The following CSPP1 variants were observed in gnomAD, a reference collection of about 807,000 sequenced individuals.
CSPP1 encodes centrosome and spindle pole associated protein 1.
A neutral mutation model predicts 164.4 loss-of-function variants in CSPP1; 126 were observed. That is an observed-to-expected ratio of 0.77 (90% CI 0.66 to 0.89). CSPP1 has a LOEUF of 0.89. Among genes scored for constraint, CSPP1 ranks in the 40% least tolerant of loss-of-function variants. The pLI is 0.00. For missense variants in CSPP1, 1,395 were observed against 1,449.8 expected (o/e 0.96, Z 0.61); for synonymous variants, 472 against 476.7 (o/e 0.99, Z 0.13).
intron 15 of CSPP1, among the ~76,000 whole-genome samples, chr8:67,124,356 A>G (rs1054489350): frequency 6.6e-6 from 1 of 152,170 alleles, no homozygotes; most frequent in African/African-American, 2.4e-5. Context: ...CTTAATTTCA[A>G]TGGTACACAA....
intron 17 of CSPP1, among the ~76,000 whole-genome samples, chr8:67,143,878 T>C (rs1823979209): frequency 6.6e-6 from 1 of 152,210 alleles, no homozygotes; most frequent in African/African-American, 2.4e-5. Context: ...TAGGCAATCA[T>C]AGCATCTGTC....
chr8:67,130,965 G>A (rs999805214), intron 15 of CSPP1, among the ~76,000 whole-genome samples: 7 of 152,150 alleles, frequency 4.6e-5, no homozygotes, highest in Non-Finnish European at 5.9e-5. Context: ...TTCAGCCTGG[G>A]CGACAAGAGT....
At chr8:67,070,304 T>C (rs1284222625) in intron 1 of CSPP1, among the ~76,000 whole-genome samples, 1 of 151,550 alleles carries the variant, frequency 6.6e-6, no homozygotes, top group African/African-American at 2.4e-5. Flanking sequence ...CTACTAATAA[T>C]ACAAAAAAAT....
chr8:67,116,007 C>A lies in CSPP1; in HGVS notation c.1381C>A (p.Pro461Thr), dbSNP rs1253773181. The change falls in exon 13 of 31, where the codon CCT becomes ACT. Residue 461 changes from proline to threonine, a missense_variant. Physicochemically the swap from Pro to Thr is conservative, Grantham distance 38. Coordinates refer to ENST00000678616, the MANE Select transcript of CSPP1 (RefSeq NM_001382391.1). ...RPRIAFQTPL[P>T]PLSAPSVPPI... ...CAGAATAGCTTTCCAGACACCTCTC[C>A]CTCCTTTATCTGCCCCATCTGTCCC... The A allele has an allele frequency of 6.2e-7, 1 of 1,613,842 alleles. No individual in the cohort carries two copies. The highest frequency in any genetic ancestry group is 2.2e-5 in the East Asian group (1 of 44,864).
At chr8:67,132,180 T>A in intron 16 of CSPP1, 100 bp downstream of exon 16, 2 of 1,179,390 alleles carry the variant, frequency 1.7e-6, no homozygotes, top group Non-Finnish European at 1.2e-6. Context: ...AAAAAACAGT[T>A]AATTATAATT....
chr8:67,150,496 C>T (rs547231393), intron 18 of CSPP1, among the ~76,000 whole-genome samples: 56 of 152,166 alleles, frequency 3.7e-4, no homozygotes, highest in Non-Finnish European at 6.2e-4. Context: ...CCTCCACCTC[C>T]TGGGTTCAAG....
At chr8:67,111,047 C>A (rs1586183408) in intron 9 of CSPP1, among the ~76,000 whole-genome samples, 1 of 152,170 alleles carries the variant, frequency 6.6e-6, no homozygotes, top group African/African-American at 2.4e-5. Flanking sequence ...GCTTAATGGA[C>A]AAACTGAGAT....
intron 18 of CSPP1, among the ~76,000 whole-genome samples, chr8:67,153,792 ATAT>A (rs534532287): frequency 1.1e-3 from 170 of 151,670 alleles, no homozygotes; most frequent in African/African-American, 3.8e-3. Context: ...TATCTTTCAG[ATAT>A]TATTTGATTT....
intron 1 of CSPP1, 144 bp from the exon 2 acceptor site, chr8:67,074,099 A>T: frequency 2.0e-6 from 1 of 506,554 alleles, no homozygotes; most frequent in Non-Finnish European, 3.6e-6. Flanking sequence ...GGCAGTAGGC[A>T]GGCATATTTA....
intron 3 of CSPP1, among the ~76,000 whole-genome samples, chr8:67,078,204 A>G (rs956481352): frequency 5.3e-5 from 8 of 152,164 alleles, no homozygotes; most frequent in Admixed American, 5.2e-4. Context: ...TGATGCCTTT[A>G]TGACCTGTCA....
rs776736985 is a variant in CSPP1, at chr8:67,086,822, G to A, written c.303+712G>A. 6.6e-6 allele frequency: 9 copies of A among 1,358,772 alleles called. No homozygotes were observed. The Admixed American group carries it at 1.5e-4, about 23-fold the overall frequency. The allele number at this position is 1,358,772 out of a possible 1,614,324, so 84.2% of individuals were successfully genotyped here. A position where few individuals can be genotyped will look rare whatever the true frequency, so the allele number is the denominator to read the frequency against. On this transcript the variant is annotated intron_variant, in intron 4 of 30. Transcript: ENST00000678616. ...CAATGGTTTGTTTCCCTTGACTTTA[G>A]GGCATTACACAAGGGAAAAGAAAGG...
intron 25 of CSPP1, chr8:67,174,959 A>G (rs1831265176): frequency 4.3e-6 from 1 of 231,418 alleles, no homozygotes; most frequent in African/African-American, 2.3e-5. Context: ...TAGCCATGTG[A>G]CCATCTGCTT....
At chr8:67,077,006 T>C (rs1462744611) in intron 3 of CSPP1, among the ~76,000 whole-genome samples, 2 of 152,216 alleles carry the variant, frequency 1.3e-5, no homozygotes, top group Non-Finnish European at 2.9e-5. Flanking sequence ...CATGTTGGAA[T>C]TGTAAAGAAG....
chr8:67,107,254 G>A (rs927336733), intron 9 of CSPP1, among the ~76,000 whole-genome samples: 2 of 151,974 alleles, frequency 1.3e-5, no homozygotes, highest in African/African-American at 4.8e-5. Flanking sequence ...CACCATGTTG[G>A]CCAGGCTGGT....
At chr8:67,065,476 A>G in intron 1 of CSPP1, 2 of 939,036 alleles carry the variant, frequency 2.1e-6, no homozygotes, top group Non-Finnish European at 2.5e-6. Flanking sequence ...AGCCTAAATT[A>G]GGCTTTATTC....
intron 28 of CSPP1, among the ~76,000 whole-genome samples, chr8:67,184,616 C>G (rs561299207): frequency 6.6e-6 from 1 of 151,600 alleles, no homozygotes; most frequent in African/African-American, 2.4e-5. Flanking sequence ...TCCCAGCTAT[C>G]TGGGAGGCTG....
At chr8:67,170,856 G>T (rs1354954648) in intron 24 of CSPP1, among the ~76,000 whole-genome samples, 1 of 151,610 alleles carries the variant, frequency 6.6e-6, no homozygotes, top group Non-Finnish European at 1.5e-5. Context: ...GCACTATCTC[G>T]GCTCACTGCA....
intron 17 of CSPP1, among the ~76,000 whole-genome samples, chr8:67,141,938 CT>C (rs1359006050): frequency 2.6e-5 from 4 of 152,214 alleles, no homozygotes; most frequent in Admixed American, 6.5e-5. Context: ...CTGCTGCTGA[CT>C]TTTCTAATTA....
intron 7 of CSPP1, among the ~76,000 whole-genome samples, chr8:67,100,564 T>G (rs1252628080): frequency 1.3e-5 from 2 of 151,538 alleles, no homozygotes; most frequent in Admixed American, 6.6e-5. Flanking sequence ...ATTTGTAACT[T>G]TAAATTTCTA....
Sources: allele counts gnomAD v4.1 joint callset (sites outside exome capture counted in the v4.1 genomes callset), GRCh38; gene constraint gnomAD v4.1.1; transcripts MANE v1.5; gene names NCBI Gene and HGNC (gene_info 2026-07-23, HGNC 2026-07-21).